SDK1: variants seen among roughly 807,000 people sequenced by gnomAD.
SDK1 encodes sidekick cell adhesion molecule 1.
Under a neutral mutation model 245.5 loss-of-function variants are expected in SDK1, and 157 were observed. That is an observed-to-expected ratio of 0.64 (90% CI 0.56 to 0.73). The LOEUF is 0.73. Ranked by LOEUF, SDK1 falls within the 30% of genes least tolerant of loss-of-function variation. The probability of loss-of-function intolerance (pLI) is 0.00; values close to 1 mark genes in which losing one functional copy is unlikely to be tolerated. For missense variants in SDK1, 3,583 were observed against 3,002.3 expected, an observed-to-expected ratio of 1.19 and a Z score of -4.52; for synonymous variants, 1,647 against 1,278.5, an observed-to-expected ratio of 1.29 and a Z score of -6.15.
At position 4,091,814 on chromosome 7, in the gene SDK1, C is replaced by T. The variant is rs567061078; in HGVS notation, c.3324+12230C>T. Among the ~76,000 whole-genome samples the T allele has an allele frequency of 2.2e-4, 33 of 152,262 alleles. No homozygotes were observed. In the South Asian group the frequency reaches 3.3e-3, roughly 15 times the overall value. ...TCACCAGCCAACACCTTTACAGCTC[C>T]GTCCAGGGAAAGAACAGTTCTGCAG... On this transcript the variant is annotated intron_variant, in intron 22 of 44. Transcript: ENST00000404826.
chr7:4,083,770 C>CTTTA (rs1190181652), intron 22 of SDK1, among the ~76,000 whole-genome samples: 2 of 74,788 alleles, frequency 2.7e-5, no homozygotes, highest in African/African-American at 3.7e-5. Flanking sequence ...TCCCTCCCTC[C>CTTTA]CTTCTTTCCT....
intron 4 of SDK1, among the ~76,000 whole-genome samples, chr7:3,791,690 G>A (rs1462014096): frequency 2.6e-5 from 4 of 152,184 alleles, no homozygotes; most frequent in Non-Finnish European, 5.9e-5. Flanking sequence ...CCAATTTCCT[G>A]TCTCTGAAAG....
At chr7:3,510,531 C>T (rs998356960) in intron 1 of SDK1, among the ~76,000 whole-genome samples, 1 of 152,070 alleles carries the variant, frequency 6.6e-6, no homozygotes, top group African/African-American at 2.4e-5. Flanking sequence ...GAATGAAGAC[C>T]CAAACCCCAA....
At chr7:3,969,457 T>C (rs1364297810) in intron 11 of SDK1, 33 bp downstream of exon 11, 1 of 1,485,788 alleles carries the variant, frequency 6.7e-7, no homozygotes, top group South Asian at 1.4e-5. Flanking sequence ...CGGCCTTCTG[T>C]TAGCCACGGT....
chr7:3,648,482 T>C (rs13242531), intron 4 of SDK1, among the ~76,000 whole-genome samples: 35,368 of 152,184 alleles, frequency 0.23, 4,829 homozygotes, highest in Non-Finnish European at 0.31. Context: ...ATGATCTGGA[T>C]TGTGAAGTAT....
At chr7:3,860,346 A>G (rs1256781612) in intron 5 of SDK1, among the ~76,000 whole-genome samples, 1 of 152,192 alleles carries the variant, frequency 6.6e-6, no homozygotes, top group Non-Finnish European at 1.5e-5. Context: ...TGAAAAAAAG[A>G]TGGGCAAAGG....
intron 22 of SDK1, among the ~76,000 whole-genome samples, chr7:4,109,567 C>T (rs1424240717): frequency 6.6e-6 from 1 of 152,240 alleles, no homozygotes; most frequent in South Asian, 2.1e-4. Context: ...CCGGCCTTCT[C>T]TGTGTCCCTT....
At chr7:3,488,904 C>CATGT (rs145829568) in intron 1 of SDK1, among the ~76,000 whole-genome samples, 3 of 147,118 alleles carry the variant, frequency 2.0e-5, no homozygotes, top group Non-Finnish European at 4.5e-5. Context: ...TTCCTCCCTC[C>CATGT]GTGTGTGTGT....
chr7:3,627,462 C>T (rs1583244012), intron 2 of SDK1, among the ~76,000 whole-genome samples: 2 of 152,264 alleles, frequency 1.3e-5, no homozygotes, highest in South Asian at 2.1e-4. Flanking sequence ...GCAGAGAAGG[C>T]AGATCCATAT....
At chr7:3,962,201 C>A (rs1176201542) in intron 8 of SDK1, among the ~76,000 whole-genome samples, 1 of 152,222 alleles carries the variant, frequency 6.6e-6, no homozygotes, top group Non-Finnish European at 1.5e-5. Context: ...GTAATGTATT[C>A]TGCCCAAGGT....
At chr7:3,611,798 A>G (rs533347335) in intron 1 of SDK1, among the ~76,000 whole-genome samples, 1 of 152,242 alleles carries the variant, frequency 6.6e-6, no homozygotes, top group African/African-American at 2.4e-5. Flanking sequence ...TCCGGCAAAA[A>G]TGGCCATAAT....
chr7:3,712,417 C>A (rs138041159), intron 4 of SDK1, among the ~76,000 whole-genome samples: 1 of 152,118 alleles, frequency 6.6e-6, no homozygotes. Flanking sequence ...ACTGATTCTG[C>A]GTTATGGTGA....
chr7:3,395,900 T>G (rs569563855), intron 1 of SDK1, among the ~76,000 whole-genome samples: 1 of 151,834 alleles, frequency 6.6e-6, no homozygotes, highest in African/African-American at 2.4e-5. Flanking sequence ...CAATTTTGTT[T>G]TTAAAGAACC....
At chr7:3,757,577 G>T (rs140652458) in intron 4 of SDK1, among the ~76,000 whole-genome samples, 97 of 152,176 alleles carry the variant, frequency 6.4e-4, no homozygotes, top group African/African-American at 2.2e-3. Context: ...TATTATAAAG[G>T]ATACAACTCA....
chr7:4,228,615 C>G (rs1268663613), intron 40 of SDK1, among the ~76,000 whole-genome samples: 1 of 152,248 alleles, frequency 6.6e-6, no homozygotes, highest in Non-Finnish European at 1.5e-5. Context: ...TCTCGGCTCA[C>G]TGCAACCTTC....
At chr7:3,934,043 C>T (rs905113635) in intron 5 of SDK1, among the ~76,000 whole-genome samples, 4 of 152,328 alleles carry the variant, frequency 2.6e-5, no homozygotes, top group African/African-American at 7.2e-5. Flanking sequence ...ACCAGCCGCA[C>T]GGCATCCAGG....
intron 1 of SDK1, among the ~76,000 whole-genome samples, chr7:3,417,311 G>T (rs949424779): frequency 6.6e-6 from 1 of 152,158 alleles, no homozygotes; most frequent in African/African-American, 2.4e-5. Flanking sequence ...GGCTGCCCCT[G>T]CCCACCTCTC....
At chr7:4,137,181 G>C (rs1463996903) in intron 28 of SDK1, among the ~76,000 whole-genome samples, 1 of 152,250 alleles carries the variant, frequency 6.6e-6, no homozygotes, top group Non-Finnish European at 1.5e-5. Flanking sequence ...TGTAATCCCA[G>C]CTACTCAGGG....
At chr7:3,693,226 C>A (rs1316893859) in intron 4 of SDK1, among the ~76,000 whole-genome samples, 2 of 151,832 alleles carry the variant, frequency 1.3e-5, no homozygotes, top group African/African-American at 4.8e-5. Flanking sequence ...AAATTTTTTT[C>A]TTCATTATCT....
Sources: allele counts gnomAD v4.1 joint callset (sites outside exome capture counted in the v4.1 genomes callset), GRCh38; gene constraint gnomAD v4.1.1; transcripts MANE v1.5; gene names NCBI Gene and HGNC (gene_info 2026-07-23, HGNC 2026-07-21).